The following BTBD9 variants were observed in gnomAD, a reference collection of about 807,000 sequenced individuals.
BTBD9 encodes BTB/POZ domain-containing protein 9.
In BTBD9, 49 loss-of-function variants were observed where a neutral mutation model predicts 64.3. The observed-to-expected ratio is 0.76, with a 90% CI of 0.61 to 0.97. The LOEUF (loss-of-function observed/expected upper bound fraction) is 0.97. Ranked by LOEUF, BTBD9 falls within the 50% of genes least tolerant of loss-of-function variation. BTBD9 has a pLI of 0.00. For synonymous variants in BTBD9, 260 were observed against 274.7 expected, an observed-to-expected ratio of 0.95 and a Z score of 0.53; for missense variants, 598 against 762.1, an observed-to-expected ratio of 0.78 and a Z score of 2.53.
intron 6 of BTBD9, among the ~76,000 whole-genome samples, chr6:38,389,200 A>G (rs1404645466): frequency 6.6e-6 from 1 of 152,174 alleles, no homozygotes; most frequent in Non-Finnish European, 1.5e-5. Context: ...CTTTCTACTT[A>G]CCCTTGCTGG....
intron 7 of BTBD9, among the ~76,000 whole-genome samples, chr6:38,309,544 C>T (rs1762751070): frequency 1.3e-5 from 2 of 151,720 alleles, no homozygotes; most frequent in South Asian, 4.2e-4. Flanking sequence ...TCCCGAGTAG[C>T]TGGGACTACA....
chr6:38,422,462 TTATG>T lies in BTBD9; in HGVS notation c.1155-77373_1155-77370del, dbSNP rs1288801625. 3.3e-5 allele frequency among the ~76,000 whole-genome samples: 5 copies of T among 152,278 alleles called. No individual in the cohort carries two copies. In the East Asian group the frequency reaches 9.6e-4, roughly 29 times the overall value. ...GTTATATTGATTTTTTAAAAAAAGTTTATGTGTGTGGGCAGGTTATATTTTCTAT... is the reference window on the plus strand; with the variant it reads ...GTTATATTGATTTTTTAAAAAAAGTTTGTGTGGGCAGGTTATATTTTCTAT... On this transcript the variant is annotated intron_variant, in intron 6 of 10. Transcript: ENST00000481247.
intron 6 of BTBD9, among the ~76,000 whole-genome samples, chr6:38,457,834 A>G (rs1769888966): frequency 6.6e-6 from 1 of 152,276 alleles, no homozygotes; most frequent in Non-Finnish European, 1.5e-5. Flanking sequence ...CTCTCCCCCA[A>G]CTGGTCTGTT....
chr6:38,591,422 T>C (rs1027728746), intron 4 of BTBD9, among the ~76,000 whole-genome samples: 8 of 152,378 alleles, frequency 5.3e-5, no homozygotes, highest in Non-Finnish European at 1.2e-4. Flanking sequence ...CCACTTCTTC[T>C]GAAGTTCTAT....
Position 38,505,500 on chromosome 6 carries a change from T to A in BTBD9, c.1154+72100A>T, listed in dbSNP as rs1474740946. On this transcript the variant is annotated intron_variant, in intron 6 of 10. Transcript: ENST00000481247. ...TTAGCCAGGCGTGGTGGCAGGCACC[T>A]GTAATCCCAGCTACTCAAGAGGCAG... Among the ~76,000 whole-genome samples the A allele has an allele frequency of 5.3e-5, 8 of 151,874 alleles. No individual in the cohort carries two copies. The East Asian group carries it at 1.5e-3, about 29-fold the overall frequency.
chr6:38,524,743 T>C (rs1012777498), intron 6 of BTBD9, among the ~76,000 whole-genome samples: 26 of 152,184 alleles, frequency 1.7e-4, no homozygotes, highest in African/African-American at 6.3e-4. Context: ...AAGCCACCCT[T>C]GCTTGATAAA....
chr6:38,395,949 T>C (rs1478612932), intron 6 of BTBD9, among the ~76,000 whole-genome samples: 1 of 152,160 alleles, frequency 6.6e-6, no homozygotes, highest in Non-Finnish European at 1.5e-5. Context: ...GACCTCGTGA[T>C]TCGCCCGCCT....
chr6:38,328,564 C>CGTGT (rs201357884), intron 7 of BTBD9, among the ~76,000 whole-genome samples: 6,387 of 130,426 alleles, frequency 0.049, 256 homozygotes, highest in African/African-American at 0.1. Context: ...TTTAAGCCAC[C>CGTGT]GTGTGTGTGT....
intron 9 of BTBD9, among the ~76,000 whole-genome samples, chr6:38,198,264 G>A (rs142384449): frequency 6.6e-6 from 1 of 152,022 alleles, no homozygotes; most frequent in African/African-American, 2.4e-5. Flanking sequence ...AATTAGTGGG[G>A]GAAGTGGAGT....
intron 6 of BTBD9, among the ~76,000 whole-genome samples, chr6:38,506,473 C>G (rs1772522110): frequency 6.6e-6 from 1 of 152,186 alleles, no homozygotes; most frequent in African/African-American, 2.4e-5. Context: ...GGGCTTGCTG[C>G]CACTGCCCAG....
At position 38,520,774 on chromosome 6, in the gene BTBD9, T is replaced by C. The variant is rs188206480; in HGVS notation, c.1154+56826A>G. ...ACAGAGAGACCACATCTCTACTAAATATTAAAAATAAAAAATTTAAAAAAA... is the reference window on the plus strand; with the variant it reads ...ACAGAGAGACCACATCTCTACTAAACATTAAAAATAAAAAATTTAAAAAAA... On this transcript the variant is annotated intron_variant, in intron 6 of 10. Transcript: ENST00000481247. Among the ~76,000 whole-genome samples the C allele has an allele frequency of 6.7e-5, 10 of 148,602 alleles. No individual in the cohort carries two copies. In the Admixed American group the frequency reaches 6.8e-4, roughly 10 times the overall value.
intron 6 of BTBD9, among the ~76,000 whole-genome samples, chr6:38,466,925 C>T (rs186374178): frequency 6.0e-4 from 91 of 152,240 alleles, no homozygotes; most frequent in Non-Finnish European, 8.1e-4. Flanking sequence ...TCACTCATGC[C>T]TAGAGAAGCT....
chr6:38,462,084 A>C (rs540451441), intron 6 of BTBD9, among the ~76,000 whole-genome samples: 2 of 152,278 alleles, frequency 1.3e-5, no homozygotes, highest in Admixed American at 1.3e-4. Context: ...TACGATTGCA[A>C]ATATCTTCTC....
rs183309288 is a variant in BTBD9, at chr6:38,554,084, G to A, written c.1154+23516C>T. 9.5e-4 allele frequency among the ~76,000 whole-genome samples: 144 copies of A among 152,134 alleles called. 1 individual carries two copies. Among genetic ancestry groups the A allele is most frequent in the African/African-American group, 3.2e-3 (132 of 41,504 alleles). On this transcript the variant is annotated intron_variant, in intron 6 of 10. Coordinates refer to ENST00000481247, the MANE Select transcript of BTBD9 (RefSeq NM_001099272.2). Reference sequence around the variant, plus strand: ...ATTGAATATTTTCAGCATCTAAGAAGGTAAATCTCAGAGTCAAATCCTCAG... The same window carrying A: ...ATTGAATATTTTCAGCATCTAAGAAAGTAAATCTCAGAGTCAAATCCTCAG...
chr6:38,457,096 A>G (rs906248122), intron 6 of BTBD9, among the ~76,000 whole-genome samples: 13 of 152,150 alleles, frequency 8.5e-5, no homozygotes, highest in African/African-American at 2.9e-4. Flanking sequence ...ATTCAAGGAC[A>G]AGAAGGTAGA....
At chr6:38,611,154 G>T (rs1267873253) in intron 1 of BTBD9, among the ~76,000 whole-genome samples, 1 of 151,902 alleles carries the variant, frequency 6.6e-6, no homozygotes, top group Non-Finnish European at 1.5e-5. Context: ...GTACATGCAT[G>T]GTATCTAGAA....
rs1270119532 is a variant in BTBD9 at position 38,171,625 on chromosome 6, C to CG, written c.*3359dup. On this transcript the variant is annotated 3_prime_UTR_variant, in exon 11 of 11. Coordinates refer to ENST00000481247, the MANE Select transcript of BTBD9 (RefSeq NM_001099272.2). ...GTGTGAGAGGGAGAGACGGTGGGGGCGGGGGGTGGTTCATAGCTGCTTCAA... is the reference window on the plus strand; with the variant it reads ...GTGTGAGAGGGAGAGACGGTGGGGGCGGGGGGGTGGTTCATAGCTGCTTCAA... 4.0e-5 allele frequency: 5 copies of CG among 126,308 alleles called. No homozygotes were observed. The highest frequency in any genetic ancestry group is 8.8e-5 in the Admixed American group (1 of 11,392). The allele number at this position is 126,308 out of a possible 1,614,324, so 7.8% of individuals were successfully genotyped here. A position where few individuals can be genotyped will look rare whatever the true frequency, so the allele number is the denominator to read the frequency against.
intron 9 of BTBD9, among the ~76,000 whole-genome samples, chr6:38,242,057 A>T (rs753825805): frequency 1.8e-4 from 27 of 152,238 alleles, no homozygotes; most frequent in Non-Finnish European, 4.0e-4. Context: ...CTGTGGAAGT[A>T]GTACTGACAG....
At chr6:38,424,624 C>T (rs1768063848) in intron 6 of BTBD9, among the ~76,000 whole-genome samples, 1 of 151,742 alleles carries the variant, frequency 6.6e-6, no homozygotes. Context: ...TCAAGAGATT[C>T]TCCTGCCTCA....
Sources: allele counts gnomAD v4.1 joint callset (sites outside exome capture counted in the v4.1 genomes callset), GRCh38; gene constraint gnomAD v4.1.1; transcripts MANE v1.5; gene names NCBI Gene and HGNC (gene_info 2026-07-23, HGNC 2026-07-21).